Variants in OSBPL1A observed in about 807,000 individuals in gnomAD.
The protein encoded by OSBPL1A is oxysterol binding protein like 1A, also known as oxysterol-binding protein-related protein 1.
A neutral mutation model predicts 137.1 loss-of-function variants in OSBPL1A; 80 were observed. The ratio of observed to expected loss-of-function variants is 0.58; its 90% CI spans 0.49 to 0.70. The LOEUF (loss-of-function observed/expected upper bound fraction) is 0.70, where lower values mean the gene tolerates loss of function less well. Ranked by LOEUF, OSBPL1A falls within the 30% of genes least tolerant of loss-of-function variation. OSBPL1A has a pLI of 0.00. For synonymous variants in OSBPL1A, 365 were observed against 389.7 expected (o/e 0.94, Z 0.75); for missense variants, 970 against 1,129.4 (o/e 0.86, Z 2.02).
At chr18:24,279,793 C>T (rs2146072340) in intron 15 of OSBPL1A, among the ~76,000 whole-genome samples, 1 of 152,286 alleles carries the variant, frequency 6.6e-6, no homozygotes, top group East Asian at 1.9e-4. Flanking sequence ...GAAAATGAAT[C>T]ACTGATAGCT....
intron 15 of OSBPL1A, among the ~76,000 whole-genome samples, chr18:24,276,599 A>G (rs2146067624): frequency 6.6e-6 from 1 of 151,912 alleles, no homozygotes; most frequent in East Asian, 1.9e-4. Context: ...ATGTGCCACC[A>G]CACCTGGCTA....
At chr18:24,308,593 C>A (rs895533472) in intron 13 of OSBPL1A, among the ~76,000 whole-genome samples, 1 of 151,788 alleles carries the variant, frequency 6.6e-6, no homozygotes, top group African/African-American at 2.4e-5. Flanking sequence ...AATAAAACCC[C>A]CACTTTGCTA....
chr18:24,224,969 T>TA, intron 17 of OSBPL1A, 73 bp downstream of exon 17: 1 of 1,572,238 alleles, frequency 6.4e-7, no homozygotes, highest in Non-Finnish European at 8.7e-7. Context: ...AGACAAGACA[T>TA]ATATTTCTTT....
chr18:24,365,412 C>T (rs2091689822), intron 4 of OSBPL1A, among the ~76,000 whole-genome samples: 1 of 151,992 alleles, frequency 6.6e-6, no homozygotes, highest in Admixed American at 6.6e-5. Context: ...TGGTGAAACC[C>T]CATCTCTACT....
intron 14 of OSBPL1A, among the ~76,000 whole-genome samples, chr18:24,283,264 C>CAAA (rs67218844): frequency 0.012 from 373 of 30,686 alleles, 7 homozygotes; most frequent in African/African-American, 0.027. Flanking sequence ...GACTCCATCT[C>CAAA]AAAAAAAAAA....
At position 24,180,561 on chromosome 18, in the gene OSBPL1A, C is replaced by T. The variant is rs549836360; in HGVS notation, c.1812+584G>A. Among the ~76,000 whole-genome samples the T allele has an allele frequency of 8.5e-5, 13 of 152,156 alleles. No individual in the cohort carries two copies. In the South Asian group the frequency reaches 2.3e-3, roughly 27 times the overall value. ...GTTGAATTCTTCCCCTAACACAACG[C>T]TACTTTCTCAACTAAAGATTTAGCA... On this transcript the variant is annotated intron_variant, in intron 19 of 27. Transcript: ENST00000319481.
chr18:24,339,002 G>T (rs948101079), intron 5 of OSBPL1A, among the ~76,000 whole-genome samples: 4 of 152,026 alleles, frequency 2.6e-5, no homozygotes, highest in African/African-American at 9.7e-5. Flanking sequence ...GTGAGCCACT[G>T]CACCTGGCCC....
chr18:24,328,095 G>A (rs1464289366), intron 7 of OSBPL1A, among the ~76,000 whole-genome samples: 1 of 138,786 alleles, frequency 7.2e-6, no homozygotes, highest in Non-Finnish European at 1.5e-5. Flanking sequence ...AGGCTGGAGT[G>A]TAGTGGCGCA....
chr18:24,345,254 C>T (rs2091327417), intron 4 of OSBPL1A, among the ~76,000 whole-genome samples: 1 of 152,162 alleles, frequency 6.6e-6, no homozygotes, highest in Non-Finnish European at 1.5e-5. Context: ...AGTAGTCAGC[C>T]TCGTTAAAGT....
intron 4 of OSBPL1A, among the ~76,000 whole-genome samples, chr18:24,346,898 G>A (rs2091355105): frequency 1.4e-5 from 2 of 140,726 alleles, no homozygotes. Context: ...ACATGCCACT[G>A]TGCCTAGCTA....
chr18:24,173,034 G>A (rs752330854), intron 21 of OSBPL1A, among the ~76,000 whole-genome samples: 8 of 152,130 alleles, frequency 5.3e-5, no homozygotes, highest in Non-Finnish European at 1.2e-4. Context: ...TAAAGCAAAC[G>A]TGGCACACAT....
At chr18:24,287,334 C>T (rs1450501811) in intron 14 of OSBPL1A, among the ~76,000 whole-genome samples, 1 of 152,174 alleles carries the variant, frequency 6.6e-6, no homozygotes, top group Non-Finnish European at 1.5e-5. Context: ...TAGAAAGGGC[C>T]ACCTATGGCC....
At chr18:24,172,551 T>G in intron 21 of OSBPL1A, 68 bp from the exon 22 acceptor site, 2 of 1,113,150 alleles carry the variant, frequency 1.8e-6, no homozygotes, top group Non-Finnish European at 2.7e-6. Flanking sequence ...GTACACTTGT[T>G]CCAAATGCCA....
chr18:24,291,618 A>C (rs1215720196), intron 14 of OSBPL1A, among the ~76,000 whole-genome samples: 1 of 152,146 alleles, frequency 6.6e-6, no homozygotes, highest in Non-Finnish European at 1.5e-5. Flanking sequence ...TAACTTAAAG[A>C]AAGATAATAA....
intron 15 of OSBPL1A, among the ~76,000 whole-genome samples, chr18:24,258,124 C>A (rs2089336255): frequency 6.6e-6 from 1 of 152,070 alleles, no homozygotes; most frequent in Non-Finnish European, 1.5e-5. Context: ...TAGGTATATT[C>A]CCAAAAAAAG....
At position 24,236,488 on chromosome 18, in the gene OSBPL1A, A is replaced by G. The variant is rs1209676003; in HGVS notation, c.1444+2732T>C. 2.0e-5 allele frequency among the ~76,000 whole-genome samples: 3 copies of G among 152,310 alleles called. No individual in the cohort carries two copies. In the East Asian group the frequency reaches 5.8e-4, roughly 29 times the overall value. On this transcript the variant is annotated intron_variant, in intron 16 of 27. Transcript: ENST00000319481. ...GTGGCTAGGTCAACAGCAAGTCAGC[A>G]CTTGACAGGGCATCTGACTCTTCAT... is the stretch of plus-strand genomic sequence containing the variant.
chr18:24,178,587 G>A (rs563972291), intron 20 of OSBPL1A, among the ~76,000 whole-genome samples: 74 of 152,182 alleles, frequency 4.9e-4, no homozygotes, highest in African/African-American at 1.6e-3. Context: ...CACCATGCCC[G>A]GCCAACAATT....
intron 7 of OSBPL1A, among the ~76,000 whole-genome samples, chr18:24,331,962 C>G (rs931122051): frequency 6.6e-6 from 1 of 152,068 alleles, no homozygotes; most frequent in Non-Finnish European, 1.5e-5. Context: ...GAAGGTGATG[C>G]CTGGCCTTCT....
chr18:24,307,303 C>G (rs551732892), intron 13 of OSBPL1A, among the ~76,000 whole-genome samples: 1 of 152,018 alleles, frequency 6.6e-6, no homozygotes, highest in Admixed American at 6.6e-5. Context: ...AAATAATAAC[C>G]CATACTCCAT....
Sources: allele counts gnomAD v4.1 joint callset (sites outside exome capture counted in the v4.1 genomes callset), GRCh38; gene constraint gnomAD v4.1.1; transcripts MANE v1.5; gene names NCBI Gene and HGNC (gene_info 2026-07-23, HGNC 2026-07-21).